The following SBF2 variants were observed in gnomAD, a reference collection of about 807,000 sequenced individuals.
SBF2 encodes the protein myotubularin-related protein 13.
In SBF2, 112 loss-of-function variants were observed where a neutral mutation model predicts 225.2. The observed-to-expected ratio is 0.50, with a 90% CI of 0.43 to 0.58. The LOEUF is 0.58. SBF2 is among the 20% of genes least tolerant of loss of function. The pLI is 0.00. For missense variants in SBF2, 1,996 were observed against 2,206.2 expected, an observed-to-expected ratio of 0.90 and a Z score of 1.91; for synonymous variants, 763 against 773.3, an observed-to-expected ratio of 0.99 and a Z score of 0.22.
At chr11:9,811,527 TG>T (rs1854183108) in intron 30 of SBF2, among the ~76,000 whole-genome samples, 1 of 152,226 alleles carries the variant, frequency 6.6e-6, no homozygotes, top group South Asian at 2.1e-4. Context: ...CGTTTGGAGC[TG>T]GGGCTCATAG....
intron 14 of SBF2, among the ~76,000 whole-genome samples, chr11:9,967,625 A>G (rs1224984092): frequency 6.6e-6 from 1 of 152,100 alleles, no homozygotes; most frequent in East Asian, 1.9e-4. Flanking sequence ...TAGGTTATAA[A>G]AACATTCTTG....
chr11:10,292,353 C>A (rs1964211057), intron 1 of SBF2, among the ~76,000 whole-genome samples: 1 of 152,118 alleles, frequency 6.6e-6, no homozygotes, highest in Non-Finnish European at 1.5e-5. Flanking sequence ...ATTTTTTGTA[C>A]CATTCTTGCA....
chr11:9,947,319 C>G (rs1462141449), intron 16 of SBF2, among the ~76,000 whole-genome samples: 2 of 152,070 alleles, frequency 1.3e-5, no homozygotes, highest in African/African-American at 2.4e-5. Context: ...GGTAAGGGAA[C>G]AGAAAAATGT....
chr11:10,178,501 AAAAC>A (rs1338661620), intron 2 of SBF2, among the ~76,000 whole-genome samples: 1 of 149,848 alleles, frequency 6.7e-6, no homozygotes, highest in Middle Eastern at 3.4e-3. Context: ...TTACAAGAAA[AAAAC>A]AAACAATCCC....
chr11:10,265,495 G>A (rs928841235), intron 1 of SBF2, among the ~76,000 whole-genome samples: 6 of 1,124 alleles, frequency 5.3e-3, no homozygotes, highest in Non-Finnish European at 0.021. Context: ...GCAGAAATCG[G>A]GGGGGGGGAG....
At chr11:10,052,322 C>T (rs1192009426) in intron 2 of SBF2, among the ~76,000 whole-genome samples, 1 of 152,078 alleles carries the variant, frequency 6.6e-6, no homozygotes, top group Non-Finnish European at 1.5e-5. Context: ...GTTTTGATAC[C>T]TGCATGAGTG....
chr11:9,959,168 T>A lies in SBF2; in HGVS notation c.1860+2789A>T. ...CAGGTCACCCAGAGATGATCTTCCA[T>A]GCTGATTCCTTCACAGGGTCCGATT... On this transcript the variant is annotated intron_variant, in intron 16 of 39. Transcript: ENST00000256190. The A allele has an allele frequency of 3.6e-6, 3 of 827,246 alleles. No homozygotes were observed. In the South Asian group the frequency reaches 4.1e-5, roughly 11 times the overall value. The allele number at this position is 827,246 out of a possible 1,614,324, so 51.2% of individuals were successfully genotyped here.
chr11:10,246,218 G>C (rs1250381685), intron 1 of SBF2, among the ~76,000 whole-genome samples: 1 of 152,140 alleles, frequency 6.6e-6, no homozygotes, highest in Non-Finnish European at 1.5e-5. Flanking sequence ...CGCTTTAAAA[G>C]GTGTATACTT....
chr11:10,178,825 T>C (rs1284397302), intron 2 of SBF2, among the ~76,000 whole-genome samples: 4 of 149,166 alleles, frequency 2.7e-5, no homozygotes, highest in African/African-American at 2.5e-5. Context: ...ACCATTTGAC[T>C]CAGCCATCCC....
chr11:9,986,283 G>A lies in SBF2; in HGVS notation c.1395+3214C>T, dbSNP rs751353268. Among the ~76,000 whole-genome samples the A allele has an allele frequency of 1.2e-4, 19 of 152,008 alleles. 1 individual carries two copies. Among genetic ancestry groups the A allele is most frequent in the Non-Finnish European group, 1.9e-4 (13 of 68,012 alleles). On this transcript the variant is annotated intron_variant, in intron 13 of 39. Transcript: ENST00000256190. ...AAAACCTCTGGGATACAGCAAAGGCGGTGCTAAGAGGAAAGTTCACAGCCC... is the reference window on the plus strand; with the variant it reads ...AAAACCTCTGGGATACAGCAAAGGCAGTGCTAAGAGGAAAGTTCACAGCCC...
In SBF2 at chr11:10,294,083, G is replaced by A; in HGVS notation, c.-14C>T. The stretch of plus-strand genomic sequence containing the variant: ...CAGCCGGGCCATGGCCGCCGCCGCC[G>A]CGCTCGGGAAGCGGGTCCCCGTCGC... On this transcript the variant is annotated 5_prime_UTR_variant, in exon 1 of 40. Transcript: ENST00000256190. 7.3e-7 allele frequency: 1 copy of A among 1,360,576 alleles called. No individual in the cohort carries two copies. The highest frequency in any genetic ancestry group is 9.5e-7 in the Non-Finnish European group (1 of 1,055,544). The allele number at this position is 1,360,576 out of a possible 1,614,324, so 84.3% of individuals were successfully genotyped here.
chr11:10,053,019 ATGTG>A (rs766510736), intron 2 of SBF2, among the ~76,000 whole-genome samples: 2 of 151,950 alleles, frequency 1.3e-5, no homozygotes, highest in South Asian at 2.1e-4. Flanking sequence ...GTATGTATGT[ATGTG>A]TGTGTGTGTA....
chr11:9,855,141 T>C (rs1054415835), intron 19 of SBF2, among the ~76,000 whole-genome samples: 4 of 152,172 alleles, frequency 2.6e-5, no homozygotes, highest in African/African-American at 9.7e-5. Flanking sequence ...GAGACTGTTA[T>C]AATTAGGGCT....
intron 16 of SBF2, among the ~76,000 whole-genome samples, chr11:9,952,886 T>C (rs1865939299): frequency 6.6e-6 from 1 of 152,108 alleles, no homozygotes; most frequent in Non-Finnish European, 1.5e-5. Flanking sequence ...AAATAATATA[T>C]ATTGGTGTGG....
chr11:9,780,691 G>C, intron 39 of SBF2, 175 bp from the exon 40 acceptor site: 1 of 655,002 alleles, frequency 1.5e-6, no homozygotes, highest in Non-Finnish European at 2.8e-6. Flanking sequence ...GTGGTCTCTA[G>C]AGTCATAGGG....
chr11:9,852,347 G>A (rs911616539), intron 21 of SBF2, among the ~76,000 whole-genome samples: 1 of 152,102 alleles, frequency 6.6e-6, no homozygotes, highest in Non-Finnish European at 1.5e-5. Flanking sequence ...TTGGTGGTGG[G>A]GGAGGGGGAG....
chr11:10,070,099 T>C (rs1227298630), intron 2 of SBF2, among the ~76,000 whole-genome samples: 1 of 152,222 alleles, frequency 6.6e-6, no homozygotes. Flanking sequence ...TCTCCCATTC[T>C]GTAGGTTGCC....
rs1020701177 is a variant in SBF2 at position 9,919,967 on chromosome 11, G to A, written c.1861-23956C>T. On this transcript the variant is annotated intron_variant, in intron 16 of 39. Transcript: ENST00000256190. ...GGCTGGTCTGGAACTCCTGACCTCA[G>A]GTGATCCGCCTGCCTGGGCCTCCTA... 2.6e-5 allele frequency among the ~76,000 whole-genome samples: 4 copies of A among 151,884 alleles called. No homozygotes were observed. In the East Asian group the frequency reaches 7.8e-4, roughly 29 times the overall value.
intron 1 of SBF2, among the ~76,000 whole-genome samples, chr11:10,204,895 G>A (rs1321237116): frequency 6.6e-6 from 1 of 151,774 alleles, no homozygotes; most frequent in Non-Finnish European, 1.5e-5. Context: ...TTGGGGTGAT[G>A]AAACATTTTA....
Sources: allele counts gnomAD v4.1 joint callset (sites outside exome capture counted in the v4.1 genomes callset), GRCh38; gene constraint gnomAD v4.1.1; transcripts MANE v1.5; gene names NCBI Gene and HGNC (gene_info 2026-07-23, HGNC 2026-07-21).